Variants in MEIS1 observed in about 807,000 individuals in gnomAD.
MEIS1 encodes homeobox protein Meis1.
In MEIS1, 5 loss-of-function variants were observed where a neutral mutation model predicts 50.8. The observed-to-expected ratio is 0.10, with a 90% CI of 0.05 to 0.21. The LOEUF is 0.21. MEIS1 is among the 10% of genes least tolerant of loss of function. MEIS1 has a pLI of 1.00. For synonymous variants in MEIS1, 176 were observed against 179.3 expected (o/e 0.98, Z 0.15); for missense variants, 318 against 517.3 (o/e 0.61, Z 3.74).
intron 8 of MEIS1, among the ~76,000 whole-genome samples, chr2:66,516,361 G>C (rs1673969547): frequency 1.3e-5 from 2 of 152,108 alleles, no homozygotes; most frequent in South Asian, 2.1e-4. Flanking sequence ...TGACCAGTCG[G>C]AATGGTGATT....
intron 9 of MEIS1, among the ~76,000 whole-genome samples, chr2:66,560,945 T>G (rs935900881): frequency 3.3e-5 from 5 of 152,216 alleles, no homozygotes; most frequent in African/African-American, 1.2e-4. Context: ...AAACATGATT[T>G]CATAAGGTTT....
intron 7 of MEIS1, among the ~76,000 whole-genome samples, chr2:66,467,512 G>C (rs1372823246): frequency 6.6e-6 from 1 of 151,816 alleles, no homozygotes; most frequent in African/African-American, 2.4e-5. Context: ...CAGGAGAATC[G>C]CTTGAACCCA....
chr2:66,480,115 A>T (rs867819711), intron 7 of MEIS1, among the ~76,000 whole-genome samples: 20 of 152,228 alleles, frequency 1.3e-4, no homozygotes, highest in Admixed American at 2.6e-4. Flanking sequence ...AAAAAATTCA[A>T]ATGCTCATAG....
chr2:66,458,025 G>C (rs1444674392), intron 6 of MEIS1, among the ~76,000 whole-genome samples: 1 of 152,124 alleles, frequency 6.6e-6, no homozygotes, highest in Non-Finnish European at 1.5e-5. Flanking sequence ...GACTGACTTC[G>C]AATTTTGTAC....
At chr2:66,534,526 T>A (rs890208848) in intron 8 of MEIS1, among the ~76,000 whole-genome samples, 7 of 148,110 alleles carry the variant, frequency 4.7e-5, no homozygotes, top group South Asian at 4.6e-4. Flanking sequence ...AGAGTGAGAC[T>A]CTGTCTTAAA....
At position 66,513,329 on chromosome 2, in the gene MEIS1, A is replaced by G. The variant is rs566555875; in HGVS notation, c.888+1035A>G. ...TCTTAGCTTGCTTTTCCTAAAGTCA[A>G]TTTTTCCTTAAATATTAAAGTTAAT... On this transcript the variant is annotated intron_variant, in intron 8 of 12. Transcript: ENST00000272369. 8.4e-4 allele frequency among the ~76,000 whole-genome samples: 128 copies of G among 152,112 alleles called. 1 individual carries two copies. Among genetic ancestry groups the G allele is most frequent in the African/African-American group, 3.0e-3 (124 of 41,512 alleles).
At position 66,437,542 on chromosome 2, in the gene MEIS1, C is replaced by T. The variant is rs547598879; in HGVS notation, c.13-195C>T. 4.9e-4 allele frequency: 299 copies of T among 606,780 alleles called. 3 individuals are homozygous for T. In the African/African-American group the frequency reaches 5.3e-3, roughly 11 times the overall value. 37.6% of individuals were successfully genotyped at this position (606,780 alleles called of 1,614,324 possible). ...AAGATCATTCATCCCAGACGAGTCT[C>T]GCTGAGAATTCTGTATTTTTTACTT... On this transcript the variant is annotated intron_variant, in intron 1 of 12. Transcript: ENST00000272369.
chr2:66,529,084 A>G (rs2103889425), intron 8 of MEIS1, among the ~76,000 whole-genome samples: 1 of 152,128 alleles, frequency 6.6e-6, no homozygotes, highest in Non-Finnish European at 1.5e-5. Context: ...ATCTTAGTAC[A>G]ATTGTCACTG....
intron 9 of MEIS1, among the ~76,000 whole-genome samples, chr2:66,563,024 A>G (rs1486471563): frequency 6.6e-6 from 1 of 152,212 alleles, no homozygotes; most frequent in Admixed American, 6.5e-5. Context: ...ATTATATTTC[A>G]TTAAACCAAG....
intron 6 of MEIS1, among the ~76,000 whole-genome samples, chr2:66,460,079 G>GA (rs1201908426): frequency 2.6e-5 from 4 of 151,660 alleles, no homozygotes; most frequent in East Asian, 1.9e-4. Flanking sequence ...AATGGTAGAA[G>GA]AAAAAAAAGT....
intron 6 of MEIS1, among the ~76,000 whole-genome samples, 200 bp from the exon 7 acceptor site, chr2:66,463,909 A>G (rs528055373): frequency 2.8e-4 from 43 of 152,204 alleles, no homozygotes; most frequent in Non-Finnish European, 5.3e-4. Flanking sequence ...TGTAGATATT[A>G]TTTTAGCTTG....
intron 7 of MEIS1, among the ~76,000 whole-genome samples, chr2:66,504,694 T>G (rs201270995): frequency 6.6e-6 from 1 of 152,222 alleles, no homozygotes; most frequent in South Asian, 2.1e-4. Context: ...GTATTCTTAA[T>G]CTACAGCCCC....
At chr2:66,476,104 A>C (rs529509832) in intron 7 of MEIS1, among the ~76,000 whole-genome samples, 27 of 152,272 alleles carry the variant, frequency 1.8e-4, no homozygotes, top group Admixed American at 1.0e-3. Flanking sequence ...TATCCCCAGG[A>C]ACAGGGTTAA....
intron 6 of MEIS1, among the ~76,000 whole-genome samples, chr2:66,461,647 A>T (rs1672520737): frequency 6.6e-6 from 1 of 152,216 alleles, no homozygotes; most frequent in Non-Finnish European, 1.5e-5. Flanking sequence ...CACAAATTTA[A>T]ACATATAGGT....
intron 6 of MEIS1, among the ~76,000 whole-genome samples, chr2:66,457,690 C>T (rs1414944084): frequency 6.6e-6 from 1 of 152,168 alleles, no homozygotes; most frequent in Non-Finnish European, 1.5e-5. Context: ...TAGATGCACC[C>T]CCCCAGACAG....
intron 7 of MEIS1, among the ~76,000 whole-genome samples, chr2:66,477,250 A>G (rs1416692208): frequency 6.6e-6 from 1 of 152,164 alleles, no homozygotes; most frequent in Non-Finnish European, 1.5e-5. Context: ...GGAGGAGGCT[A>G]GAGAGAGTAG....
intron 6 of MEIS1, among the ~76,000 whole-genome samples, chr2:66,463,510 A>G (rs1378607435): frequency 6.6e-6 from 1 of 152,216 alleles, no homozygotes; most frequent in East Asian, 1.9e-4. Context: ...TAGTACAAGA[A>G]GGCTCTGCAT....
intron 7 of MEIS1, among the ~76,000 whole-genome samples, chr2:66,466,408 G>A (rs552964498): frequency 5.4e-4 from 82 of 152,300 alleles, no homozygotes; most frequent in Middle Eastern, 3.4e-3. Context: ...GTCCTTCCTT[G>A]TGGGTTTTCT....
intron 8 of MEIS1, among the ~76,000 whole-genome samples, chr2:66,541,137 A>G (rs993745206): frequency 5.3e-5 from 8 of 151,624 alleles, no homozygotes; most frequent in Non-Finnish European, 1.2e-4. Context: ...TCCCGGGTTC[A>G]CTCCATTCTT....
Sources: allele counts gnomAD v4.1 joint callset (sites outside exome capture counted in the v4.1 genomes callset), GRCh38; gene constraint gnomAD v4.1.1; transcripts MANE v1.5; gene names NCBI Gene and HGNC (gene_info 2026-07-23, HGNC 2026-07-21).